The following MYBL1 variants were observed in gnomAD, a reference collection of about 807,000 sequenced individuals.
MYBL1 encodes the protein myb-related protein A.
A neutral mutation model predicts 96.3 loss-of-function variants in MYBL1; 17 were observed. The observed-to-expected ratio is 0.18, with a 90% CI of 0.12 to 0.26. The LOEUF (loss-of-function observed/expected upper bound fraction) is 0.26. Among genes scored for constraint, MYBL1 ranks in the 10% least tolerant of loss-of-function variants. The pLI is 1.00. For synonymous variants in MYBL1, 282 were observed against 292.7 expected (o/e 0.96, Z 0.37); for missense variants, 701 against 882.9 (o/e 0.79, Z 2.61).
chr8:66,596,985 T>C (rs1809877152), intron 5 of MYBL1, among the ~76,000 whole-genome samples: 1 of 152,176 alleles, frequency 6.6e-6, no homozygotes, highest in Non-Finnish European at 1.5e-5. Flanking sequence ...GAAAGAAATC[T>C]TAGATTTAGA....
chr8:66,568,084 C>CA (rs1036103077), intron 12 of MYBL1, among the ~76,000 whole-genome samples: 5 of 146,660 alleles, frequency 3.4e-5, no homozygotes, highest in African/African-American at 1.3e-4. Context: ...AAACAAAAAA[C>CA]AAAAAAACAC....
intron 3 of MYBL1, among the ~76,000 whole-genome samples, chr8:66,601,177 CAAAAAAAAAAAAAAA>C (rs1167336780): frequency 1.4e-4 from 2 of 13,900 alleles, no homozygotes; most frequent in Non-Finnish European, 3.9e-4. Flanking sequence ...AACTCCGTCT[CAAAAAAAAAAAAAAA>C]AAAAAAAAAA....
Position 66,580,149 on chromosome 8 carries a change from A to C in MYBL1, c.1085T>G (p.Leu362Arg). 1.9e-6 allele frequency: 3 copies of C among 1,612,132 alleles called. No individual in the cohort carries two copies. Among genetic ancestry groups the C allele is most frequent in the Non-Finnish European group, 2.5e-6 (3 of 1,178,344 alleles). Residue 362 changes from leucine (L) to arginine (R), a missense_variant, in exon 9 of 16, where the codon CTA becomes CGA. By Grantham distance (102) the Leu-to-Arg change is moderately radical (BLOSUM62 -2). This residue lies in a region of MYBL1 where 396 missense variants were observed against 407.4 expected (regional missense o/e 0.97). Transcript: ENST00000522677. ...LQTIPEFAET[L>R]ELIESDPVAW... ...TTTACTTACAGATTCAATAAGTTCT[A>C]GAGTCTCTGCAAATTCTGGGATGGT...
intron 8 of MYBL1, among the ~76,000 whole-genome samples, chr8:66,584,276 G>A (rs1427829206): frequency 6.6e-6 from 1 of 152,078 alleles, no homozygotes; most frequent in Non-Finnish European, 1.5e-5. Flanking sequence ...TACTGAACAA[G>A]GAAAAGTTGA....
At chr8:66,611,527 A>T (rs1274327210) in intron 1 of MYBL1, among the ~76,000 whole-genome samples, 4 of 152,276 alleles carry the variant, frequency 2.6e-5, no homozygotes, top group South Asian at 2.1e-4. Context: ...GAGTGTTACT[A>T]TCTCTACTGG....
chr8:66,564,740 G>C lies in MYBL1; in HGVS notation c.2216C>G (p.Thr739Ser). 6.3e-7 allele frequency: 1 copy of C among 1,585,406 alleles called. No individual in the cohort carries two copies. The change falls in exon 16 of 16, where the codon ACT (threonine) becomes AGT (serine). Residue 739 changes from threonine to serine, a missense_variant. By Grantham distance (58) the Thr-to-Ser change is moderately conservative. Transcript: ENST00000522677. Reference protein sequence around the residue: ...MTEQARRYLSTYTATSSTSRA... With the variant: ...MTEQARRYLSSYTATSSTSRA... ...TGAAGTACTACTGGTAGCTGTGTAAGTACTCAGATATCTTCTTGCTTGTTC... is the reference window on the plus strand; with the variant it reads ...TGAAGTACTACTGGTAGCTGTGTAACTACTCAGATATCTTCTTGCTTGTTC...
At chr8:66,600,588 A>G (rs1810029437) in intron 3 of MYBL1, among the ~76,000 whole-genome samples, 1 of 152,250 alleles carries the variant, frequency 6.6e-6, no homozygotes, top group Admixed American at 6.5e-5. Context: ...ACCATACTAC[A>G]GAAACAAGTA....
chr8:66,585,444 G>A (rs1180838708), intron 8 of MYBL1, among the ~76,000 whole-genome samples: 1 of 152,068 alleles, frequency 6.6e-6, no homozygotes, highest in Non-Finnish European at 1.5e-5. Context: ...AAAACTACTA[G>A]AAGAAAACAT....
At chr8:66,574,068 T>G (rs1255744222) in intron 10 of MYBL1, among the ~76,000 whole-genome samples, 1 of 152,222 alleles carries the variant, frequency 6.6e-6, no homozygotes, top group Non-Finnish European at 1.5e-5. Flanking sequence ...GAGTCCATTT[T>G]CTAAATTATA....
At chr8:66,588,486 C>G (rs1586578719) in intron 8 of MYBL1, among the ~76,000 whole-genome samples, 1 of 151,842 alleles carries the variant, frequency 6.6e-6, no homozygotes, top group South Asian at 2.1e-4. Flanking sequence ...CGCCATGTTG[C>G]CCAGGCTGGT....
intron 1 of MYBL1, chr8:66,612,534 AAG>A (rs1392579649): frequency 1.0e-5 from 4 of 388,960 alleles, no homozygotes; most frequent in Non-Finnish European, 1.8e-5. Flanking sequence ...ACCTGCCTCG[AAG>A]AAGTGGCAGC....
chr8:66,606,789 GT>G (rs531370971), intron 1 of MYBL1, among the ~76,000 whole-genome samples: 3,125 of 144,804 alleles, frequency 0.022, 95 homozygotes, highest in African/African-American at 0.071. Flanking sequence ...ATACATGGCT[GT>G]TTTTTTTTTT....
At chr8:66,587,991 T>C (rs559791358) in intron 8 of MYBL1, among the ~76,000 whole-genome samples, 2 of 152,302 alleles carry the variant, frequency 1.3e-5, no homozygotes, top group South Asian at 4.1e-4. Flanking sequence ...TAAAACACTG[T>C]TGCAAAGCAA....
At position 66,589,026 on chromosome 8, in the gene MYBL1, A is replaced by C. The variant is rs149828252; in HGVS notation, c.867+3414T>G. ...AGTGTAAGACTCCAACACAAAAAGA[A>C]ATTAAAAAAATGCTTCATATGGGTA... On this transcript the variant is annotated intron_variant, in intron 8 of 15. Coordinates refer to ENST00000522677, the MANE Select transcript of MYBL1 (RefSeq NM_001080416.4). Among the ~76,000 whole-genome samples, 1,188 of 152,198 alleles carry C rather than the reference A, an allele frequency of 7.8e-3. 13 individuals carry two copies. The highest frequency in any genetic ancestry group is 0.027 in the African/African-American group (1,123 of 41,494).
At chr8:66,566,500 T>TA (rs1386569533) in intron 14 of MYBL1, among the ~76,000 whole-genome samples, 184 bp downstream of exon 14, 2 of 151,678 alleles carry the variant, frequency 1.3e-5, no homozygotes, top group Non-Finnish European at 2.9e-5. Context: ...AAAAGAAATA[T>TA]AAAAAAAAGT....
In MYBL1 at chr8:66,567,000, G is replaced by GT. The variant is rs1808531352; in HGVS notation, c.1729-9dup. ...GAAAGCAAGTGGCTGGGACTAAATT[G>GT]TTTTTTAAAATGTTGTAAAAAGTCA... On this transcript the variant is annotated splice_polypyrimidine_tract_variant and intron_variant, in intron 12 of 15. Coordinates refer to ENST00000522677, the MANE Select transcript of MYBL1 (RefSeq NM_001080416.4). 1.3e-6 allele frequency: 2 copies of GT among 1,594,390 alleles called. No homozygotes were observed. The highest frequency in any genetic ancestry group is 1.7e-6 in the Non-Finnish European group (2 of 1,167,248).
chr8:66,611,713 G>C (rs1810535503), intron 1 of MYBL1, among the ~76,000 whole-genome samples: 1 of 152,174 alleles, frequency 6.6e-6, no homozygotes, highest in Admixed American at 6.5e-5. Context: ...GAGACTTAAG[G>C]ATTTCTGCAG....
chr8:66,572,660 C>A, intron 11 of MYBL1, 64 bp from the exon 12 acceptor site: 1 of 783,808 alleles, frequency 1.3e-6, no homozygotes, highest in Admixed American at 2.8e-5. Flanking sequence ...TTAATGAAAG[C>A]AAAGCAATTT....
rs148297702 is a variant in MYBL1, at chr8:66,572,247, G to C, written c.1728+235C>G. On this transcript the variant is annotated intron_variant, in intron 12 of 15. Coordinates refer to ENST00000522677, the MANE Select transcript of MYBL1 (RefSeq NM_001080416.4). ...AGGCATGAGGATCACTTGAACCCAGGGGGTGGAGGTTACAGTGAGCTGAGA... is the reference window on the plus strand; with the variant it reads ...AGGCATGAGGATCACTTGAACCCAGCGGGTGGAGGTTACAGTGAGCTGAGA... Among the ~76,000 whole-genome samples, 15 of 151,908 alleles carry C rather than the reference G, an allele frequency of 9.9e-5. No homozygotes were observed. The Middle Eastern group carries it at 0.01, about 103-fold the overall frequency.
Sources: gnomAD v4.1 joint callset for allele counts (sites outside exome capture counted in the v4.1 genomes callset) on GRCh38, gnomAD v4.1.1 for gene constraint, gnomAD v4.1.1 regional missense constraint, MANE v1.5 for transcripts, NCBI Gene and HGNC (gene_info 2026-07-23, HGNC 2026-07-21) for gene names.